Variants in ANKUB1 observed in about 807,000 individuals in gnomAD.
The protein encoded by ANKUB1 is ankyrin repeat and ubiquitin domain containing 1.
In ANKUB1, 42 loss-of-function variants were observed where a neutral mutation model predicts 49.3. The observed-to-expected ratio is 0.85, with a 90% CI of 0.67 to 1.10. The LOEUF is 1.10. Ranked by LOEUF, ANKUB1 falls within the 50% of genes least tolerant of loss-of-function variation. The pLI is 0.00. For synonymous variants in ANKUB1, 222 were observed against 231.0 expected, an observed-to-expected ratio of 0.96 and a Z score of 0.35; for missense variants, 613 against 642.0, an observed-to-expected ratio of 0.95 and a Z score of 0.49.
chr3:149,782,590 A>G (rs1347974668), intron 2 of ANKUB1, among the ~76,000 whole-genome samples: 1 of 152,232 alleles, frequency 6.6e-6, no homozygotes, highest in Non-Finnish European at 1.5e-5. Flanking sequence ...TCTGTTGCCC[A>G]GGCTGAAGTA....
chr3:149,779,740 G>A (rs1277090329), intron 3 of ANKUB1: 4 of 157,292 alleles, frequency 2.5e-5, no homozygotes, highest in African/African-American at 9.6e-5. Flanking sequence ...TGAAAGAGAA[G>A]AGATGAAGTG....
chr3:149,773,734 G>A (rs1453098791), intron 3 of ANKUB1, among the ~76,000 whole-genome samples: 3 of 152,158 alleles, frequency 2.0e-5, no homozygotes, highest in African/African-American at 4.8e-5. Context: ...ACTCCCAAAT[G>A]AGCAGTAGAA....
At chr3:149,792,223 A>T (rs1359860104) in intron 1 of ANKUB1, 54 bp downstream of exon 1, 1 of 1,279,654 alleles carries the variant, frequency 7.8e-7, no homozygotes, top group African/African-American at 1.5e-5. Context: ...TTTTAAATGC[A>T]CTGCATTGTT....
At position 149,767,238 on chromosome 3, in the gene ANKUB1, A is replaced by G. The variant is rs1404463402; in HGVS notation, c.1424T>C (p.Leu475Pro). 6.4e-7 allele frequency: 1 copy of G among 1,551,324 alleles called. No homozygotes were observed. Among genetic ancestry groups the G allele is most frequent in the East Asian group, 2.4e-5 (1 of 40,932 alleles). ...FYATPSADFL[L>P]KSSFSSFLEH... The stretch of plus-strand genomic sequence containing the variant: ...TAAGAAAGATGAGAAGGAGGACTTC[A>G]GTAAAAAGTCAGCACTGGGTGTTGC... Residue 475 changes from leucine to proline, a missense_variant, in exon 5 of 6, where the codon CTG (leucine) becomes CCG (proline). By Grantham distance (98) the Leu-to-Pro change is moderately conservative. Transcript: ENST00000446160.
At chr3:149,761,680 A>G in intron 5 of ANKUB1, 67 bp from the exon 6 acceptor site, 1 of 1,487,034 alleles carries the variant, frequency 6.7e-7, no homozygotes, top group Non-Finnish European at 9.0e-7. Context: ...CTGAAAAAGG[A>G]TGGAAATCTT....
At position 149,763,354 on chromosome 3, in the gene ANKUB1, C is replaced by T. The variant is rs145310031; in HGVS notation, c.1506-1741G>A. ...CCCTGGCATTTGAAACCTGGCTTTT[C>T]TGCATTCATTCAAAAACTGTTTACC... On this transcript the variant is annotated intron_variant, in intron 5 of 5. Coordinates refer to ENST00000446160, the MANE Select transcript of ANKUB1 (RefSeq NM_001144960.3). Among the ~76,000 whole-genome samples the T allele has an allele frequency of 3.3e-5, 5 of 152,312 alleles. No homozygotes were observed. The East Asian group carries it at 9.6e-4, about 29-fold the overall frequency.
chr3:149,761,522 G>A lies in ANKUB1; in HGVS notation c.1597C>T (p.Leu533=). 3 of 1,551,464 alleles carry A rather than the reference G, an allele frequency of 1.9e-6. No individual in the cohort carries two copies. Among genetic ancestry groups the A allele is most frequent in the Middle Eastern group, 1.7e-4 (1 of 5,988 alleles). ...TCTAGAGAGTTTTCACACGCTGTCA[G>A]ACCTCCTCGGGTAGTCAAGTTAGAA... ...SISNLTTRGG[L]TACENSLETV... Residue 533 remains leucine, a synonymous_variant, in exon 6 of 6, where the codon CTG becomes TTG. Coordinates refer to ENST00000446160, the MANE Select transcript of ANKUB1 (RefSeq NM_001144960.3).
intron 3 of ANKUB1, among the ~76,000 whole-genome samples, chr3:149,775,099 T>TACTTGCAA (rs1342606868): frequency 6.6e-6 from 1 of 152,178 alleles, no homozygotes; most frequent in African/African-American, 2.4e-5. Context: ...CAAACGTATC[T>TACTTGCAA]ACTATGCCTA....
At chr3:149,766,122 G>T (rs1361705177) in intron 5 of ANKUB1, among the ~76,000 whole-genome samples, 1 of 152,172 alleles carries the variant, frequency 6.6e-6, no homozygotes. Flanking sequence ...ATAAGTAATG[G>T]ATGGGATCTG....
At chr3:149,762,376 G>A (rs1425367892) in intron 5 of ANKUB1, among the ~76,000 whole-genome samples, 1 of 152,112 alleles carries the variant, frequency 6.6e-6, no homozygotes, top group Non-Finnish European at 1.5e-5. Flanking sequence ...TCCCACTTCT[G>A]TTTCCTTGTT....
chr3:149,769,432 C>G (rs1717226158), intron 4 of ANKUB1, among the ~76,000 whole-genome samples: 1 of 152,178 alleles, frequency 6.6e-6, no homozygotes, highest in African/African-American at 2.4e-5. Flanking sequence ...AGCCAATTAA[C>G]AAGTGTTTTC....
chr3:149,764,677 TTTCC>T (rs145638423), intron 5 of ANKUB1, among the ~76,000 whole-genome samples: 1 of 140,816 alleles, frequency 7.1e-6, no homozygotes, highest in East Asian at 2.1e-4. Flanking sequence ...TTTCTTTTTC[TTTCC>T]TTCCTTCCTT....
At chr3:149,787,629 C>A (rs1029591360) in intron 2 of ANKUB1, among the ~76,000 whole-genome samples, 6 of 152,088 alleles carry the variant, frequency 3.9e-5, no homozygotes, top group African/African-American at 1.4e-4. Context: ...GGTGAGAATA[C>A]AATGTTCTTT....
chr3:149,779,421 T>C (rs1027074161), intron 3 of ANKUB1: 2 of 152,108 alleles, frequency 1.3e-5, no homozygotes, highest in Non-Finnish European at 2.9e-5. Flanking sequence ...CCCCCCTCTC[T>C]TGGCCTCCAA....
At position 149,765,454 on chromosome 3, in the gene ANKUB1, A is replaced by G. The variant is rs141190156; in HGVS notation, c.1505+1703T>C. 2.9e-3 allele frequency among the ~76,000 whole-genome samples: 434 copies of G among 152,238 alleles called. 1 individual carries two copies. Among genetic ancestry groups the G allele is most frequent in the African/African-American group, 9.6e-3 (400 of 41,538 alleles). ...ATTAGTGGTCCTTATGGATTTTACT[A>G]TATATTTCATAACTCATTTCCTCCC... On this transcript the variant is annotated intron_variant, in intron 5 of 5. Coordinates refer to ENST00000446160, the MANE Select transcript of ANKUB1 (RefSeq NM_001144960.3).
intron 5 of ANKUB1, among the ~76,000 whole-genome samples, chr3:149,762,191 C>T (rs1434641713): frequency 6.6e-6 from 1 of 152,032 alleles, no homozygotes; most frequent in East Asian, 1.9e-4. Context: ...TATCTTTGGT[C>T]CTCCTCTCTT....
chr3:149,776,451 C>T (rs937732517), intron 3 of ANKUB1, among the ~76,000 whole-genome samples: 2 of 152,198 alleles, frequency 1.3e-5, no homozygotes, highest in African/African-American at 4.8e-5. Flanking sequence ...CAAACCATCA[C>T]TCAAGCACTA....
At chr3:149,778,539 A>T (rs897617327) in intron 3 of ANKUB1, 2 of 152,160 alleles carry the variant, frequency 1.3e-5, no homozygotes, top group Non-Finnish European at 2.9e-5. Flanking sequence ...ATCCTTTGGT[A>T]CTTCATTAAA....
intron 1 of ANKUB1, among the ~76,000 whole-genome samples, chr3:149,792,007 T>C (rs1230834393): frequency 6.6e-6 from 1 of 152,180 alleles, no homozygotes; most frequent in Non-Finnish European, 1.5e-5. Context: ...ATCTGGCCTA[T>C]GCACAACCCA....
Sources: allele counts gnomAD v4.1 joint callset (sites outside exome capture counted in the v4.1 genomes callset), GRCh38; gene constraint gnomAD v4.1.1; transcripts MANE v1.5; gene names NCBI Gene and HGNC (gene_info 2026-07-23, HGNC 2026-07-21).